Variants in DDX19A observed in about 807,000 individuals in gnomAD.
DDX19A encodes DEAD-box helicase 19A.
In DDX19A, 12 loss-of-function variants were observed where a neutral mutation model predicts 60.6. The observed-to-expected ratio is 0.20, with a 90% CI of 0.13 to 0.32. The LOEUF is 0.32. Ranked by LOEUF, DDX19A falls within the 10% of genes least tolerant of loss-of-function variation. The probability of loss-of-function intolerance (pLI) is 1.00; values close to 1 mark genes in which losing one functional copy is unlikely to be tolerated. For synonymous variants in DDX19A, 206 were observed against 218.2 expected, an observed-to-expected ratio of 0.94 and a Z score of 0.49; for missense variants, 337 against 600.6, an observed-to-expected ratio of 0.56 and a Z score of 4.59.
chr16:70,364,748 C>CTG (rs900138598), intron 6 of DDX19A, 103 bp downstream of exon 6: 1 of 894,764 alleles, frequency 1.1e-6, no homozygotes, highest in Non-Finnish European at 1.8e-6. Flanking sequence ...ACACCTTAGG[C>CTG]TGTGGCTCAG....
intron 4 of DDX19A, among the ~76,000 whole-genome samples, chr16:70,358,138 C>G (rs963586611): frequency 6.6e-5 from 10 of 152,170 alleles, no homozygotes; most frequent in African/African-American, 2.2e-4. Context: ...TCAAGCGATT[C>G]TCGTTCCTCA....
intron 9 of DDX19A, among the ~76,000 whole-genome samples, chr16:70,367,344 T>C (rs932500107): frequency 6.8e-6 from 1 of 148,060 alleles, no homozygotes. Flanking sequence ...AGGAGAATGG[T>C]GTGAACCCGG....
chr16:70,350,726 G>T, intron 2 of DDX19A, 121 bp downstream of exon 2: 1 of 701,158 alleles, frequency 1.4e-6, no homozygotes, highest in South Asian at 2.3e-5. Context: ...ACAAGCCAGT[G>T]AATTAGATTT....
Position 70,366,873 on chromosome 16 carries a change from C to T in DDX19A, c.1020+12C>T, listed in dbSNP as rs200086133. 520 of 1,613,842 alleles carry T rather than the reference C, an allele frequency of 3.2e-4. 1 individual carries two copies. The highest frequency in any genetic ancestry group is 6.3e-4 in the African/African-American group (47 of 75,034). On this transcript the variant is annotated intron_variant, in intron 9 of 11. Transcript: ENST00000302243. The stretch of plus-strand genomic sequence containing the variant: ...TGATCTTCTGCCATGTGAGTAGCAG[C>T]GGCAGTGGCAGGCCTGGCCCCTCCC...
At chr16:70,369,027 C>G (rs1185916578) in intron 9 of DDX19A, among the ~76,000 whole-genome samples, 1 of 151,874 alleles carries the variant, frequency 6.6e-6, no homozygotes, top group Non-Finnish European at 1.5e-5. Flanking sequence ...GCCACCACAC[C>G]TGGCTAATTT....
At chr16:70,352,771 G>T (rs964946468) in intron 2 of DDX19A, among the ~76,000 whole-genome samples, 1 of 151,866 alleles carries the variant, frequency 6.6e-6, no homozygotes, top group East Asian at 1.9e-4. Context: ...CAAGTAGCTG[G>T]GATTATAGGC....
At chr16:70,368,532 A>G (rs1017690677) in intron 9 of DDX19A, among the ~76,000 whole-genome samples, 1 of 151,994 alleles carries the variant, frequency 6.6e-6, no homozygotes, top group Non-Finnish European at 1.5e-5. Flanking sequence ...TGGCCTCCCA[A>G]AGTACTGGGA....
intron 7 of DDX19A, 177 bp downstream of exon 7, chr16:70,365,308 C>A: frequency 2.3e-6 from 1 of 430,830 alleles, no homozygotes; most frequent in Non-Finnish European, 4.2e-6. Flanking sequence ...CTTTTTCAGT[C>A]TTAAAATAAG....
chr16:70,372,440 C>T lies in DDX19A; in HGVS notation c.*454C>T, dbSNP rs139303124. On this transcript the variant is annotated 3_prime_UTR_variant, in exon 12 of 12. Coordinates refer to ENST00000302243, the MANE Select transcript of DDX19A (RefSeq NM_018332.5). ...AGCAGAGAGGCCAGAGCTGCCCCCT[C>T]TCTGTCTCTTCAATGGACCCTTCAC... 154 of 214,720 alleles carry T rather than the reference C, an allele frequency of 7.2e-4. No homozygotes were observed. The highest frequency in any genetic ancestry group is 3.5e-3 in the African/African-American group (148 of 42,844). 13.3% of individuals were successfully genotyped at this position (214,720 alleles called of 1,614,324 possible). A position where few individuals can be genotyped will look rare whatever the true frequency, so the allele number is the denominator to read the frequency against.
In DDX19A at chr16:70,372,932, A is replaced by C. The variant is rs2047300215; in HGVS notation, c.*946A>C. On this transcript the variant is annotated 3_prime_UTR_variant, in exon 12 of 12. Transcript: ENST00000302243. Reference sequence around the variant, plus strand: ...TATGGAGAGCTCTGATTCCTACATAATATGAATAAGGATGGATAGGCCGGG... The same window carrying C: ...TATGGAGAGCTCTGATTCCTACATACTATGAATAAGGATGGATAGGCCGGG... 6.6e-6 allele frequency: 1 copy of C among 152,218 alleles called. No homozygotes were observed. The highest frequency in any genetic ancestry group is 2.4e-5 in the African/African-American group (1 of 41,448). 9.4% of individuals were successfully genotyped at this position (152,218 alleles called of 1,614,324 possible).
intron 1 of DDX19A, chr16:70,348,135 G>T (rs1963898046): frequency 3.7e-6 from 1 of 273,090 alleles, no homozygotes; most frequent in African/African-American, 2.3e-5. Context: ...GAGATAGAGG[G>T]CCTATGTTGG....
In DDX19A at chr16:70,356,230, G is replaced by T. The variant is rs768296316; in HGVS notation, c.276G>T (p.Ser92=). The part of the protein sequence containing the change: ...DPNSPLYSVK[S]FEELRLKPQL... ...ACTCCCCTCTGTACTCGGTGAAGTCGTTTGAAGAGCTTCGGCTGTGAGTAT... is the reference window on the plus strand; with the variant it reads ...ACTCCCCTCTGTACTCGGTGAAGTCTTTTGAAGAGCTTCGGCTGTGAGTAT... Residue 92 remains serine (S), a synonymous_variant, in exon 4 of 12, where the codon TCG becomes TCT. Coordinates refer to ENST00000302243, the MANE Select transcript of DDX19A (RefSeq NM_018332.5). 6.2e-7 allele frequency: 1 copy of T among 1,614,072 alleles called. No individual in the cohort carries two copies. Among genetic ancestry groups the T allele is most frequent in the African/African-American group, 1.3e-5 (1 of 74,918 alleles).
chr16:70,366,515 C>G, intron 8 of DDX19A, 109 bp from the exon 9 acceptor site: 1 of 1,459,618 alleles, frequency 6.9e-7, no homozygotes. Context: ...CCAAGATGCT[C>G]CTCCCCCATC....
intron 2 of DDX19A, among the ~76,000 whole-genome samples, chr16:70,352,177 C>G (rs1432223145): frequency 6.6e-6 from 1 of 152,080 alleles, no homozygotes; most frequent in African/African-American, 2.4e-5. Context: ...CTCATATTCT[C>G]TCTCTCAACC....
chr16:70,372,199 T>C lies in DDX19A; in HGVS notation c.*213T>C. On this transcript the variant is annotated 3_prime_UTR_variant, in exon 12 of 12. Transcript: ENST00000302243. ...AAAATTTGCATTTTGGAAAATTGGG[T>C]CCTTTCCCCACTTTTTTAAAGCCAC... The C allele has an allele frequency of 1.4e-6, 1 of 693,814 alleles. No individual in the cohort carries two copies. The highest frequency in any genetic ancestry group is 2.4e-6 in the Non-Finnish European group (1 of 413,606). 43.0% of individuals were successfully genotyped at this position (693,814 alleles called of 1,614,324 possible). A position where few individuals can be genotyped will look rare whatever the true frequency, so the allele number is the denominator to read the frequency against.
chr16:70,357,333 T>C (rs1453956958), intron 4 of DDX19A, among the ~76,000 whole-genome samples: 1 of 146,992 alleles, frequency 6.8e-6, no homozygotes, highest in African/African-American at 2.5e-5. Context: ...TTTATCTGCT[T>C]TTTAAAAAAT....
chr16:70,357,803 C>T (rs1442112041), intron 4 of DDX19A, among the ~76,000 whole-genome samples: 1 of 151,972 alleles, frequency 6.6e-6, no homozygotes, highest in East Asian at 1.9e-4. Flanking sequence ...ATTCTTGCTG[C>T]CTGCCAGGAT....
At chr16:70,357,362 G>GTTTTTT (rs1248365917) in intron 4 of DDX19A, among the ~76,000 whole-genome samples, 25 of 48,858 alleles carry the variant, frequency 5.1e-4, no homozygotes, top group East Asian at 6.7e-4. Flanking sequence ...TCTGTTTTTG[G>GTTTTTT]TTTGTTTTTT....
intron 4 of DDX19A, among the ~76,000 whole-genome samples, chr16:70,359,447 A>G (rs929781070): frequency 2.0e-5 from 3 of 152,218 alleles, no homozygotes; most frequent in Non-Finnish European, 4.4e-5. Flanking sequence ...TTTCTTTAGA[A>G]ACAATCTGGT....
Sources: gnomAD v4.1 joint callset for allele counts (sites outside exome capture counted in the v4.1 genomes callset) on GRCh38, gnomAD v4.1.1 for gene constraint, MANE v1.5 for transcripts, NCBI Gene and HGNC (gene_info 2026-07-23, HGNC 2026-07-21) for gene names.